ACAD8: variants seen among roughly 807,000 people sequenced by gnomAD.
ACAD8 encodes isobutyryl-CoA dehydrogenase, mitochondrial.
In ACAD8, 47 loss-of-function variants were observed where a neutral mutation model predicts 53.1. That is an observed-to-expected ratio of 0.89 (90% CI 0.70 to 1.13). ACAD8 has a LOEUF of 1.13. Ranked by LOEUF, ACAD8 falls within the 50% of genes most tolerant of loss-of-function variation. The probability of loss-of-function intolerance (pLI) is 0.00; values close to 1 mark genes in which losing one functional copy is unlikely to be tolerated. For synonymous variants in ACAD8, 198 were observed against 201.3 expected, an observed-to-expected ratio of 0.98 and a Z score of 0.14; for missense variants, 494 against 535.0, an observed-to-expected ratio of 0.92 and a Z score of 0.76.
At chr11:134,263,181 T>TCTCCACTCTCTACAGC in intron 10 of ACAD8, 2 of 1,072,690 alleles carry the variant, frequency 1.9e-6, no homozygotes, top group Non-Finnish European at 2.3e-6. Context: ...AGCCTGGCTG[T>TCTCCACTCTCTACAGC]CTCCACTCTC....
At chr11:134,262,063 G>A (rs1939912724) in intron 9 of ACAD8, 173 bp downstream of exon 9, 11 of 790,938 alleles carry the variant, frequency 1.4e-5, no homozygotes, top group East Asian at 8.1e-5. Context: ...AGCTCTCATC[G>A]CTGGCTTTTA....
intron 9 of ACAD8, 172 bp downstream of exon 9, chr11:134,262,062 C>T (rs1939912562): frequency 1.4e-5 from 11 of 794,074 alleles, no homozygotes; most frequent in Non-Finnish European, 1.9e-5. Context: ...GAGCTCTCAT[C>T]GCTGGCTTTT....
chr11:134,261,051 G>A lies in ACAD8; in HGVS notation c.713G>A (p.Trp238Ter), dbSNP rs767201554. The A allele has an allele frequency of 1.1e-5, 17 of 1,612,508 alleles. No individual in the cohort carries two copies. Among genetic ancestry groups the A allele is most frequent in the Non-Finnish European group, 1.4e-5 (17 of 1,179,388 alleles). The change falls in exon 7 of 11, where the codon TGG (tryptophan) becomes TAG (stop). Residue 238 changes from tryptophan (W) to a stop codon, truncating the protein, a stop_gained. Transcript: ENST00000281182. LOFTEE classifies it high-confidence loss of function. The surrounding 1 kb of genome is among the most constrained non-coding windows in gnomAD (Gnocchi z 4.2). The stretch of plus-strand genomic sequence containing the variant: ...GTCCCTGATTTTTGCCAGGTGGGGT[G>A]GAACTCCCAGCCAACACGAGCTGTG... ...SFGKKEKKVG[W>*]NSQPTRAVIF...
chr11:134,257,324 G>A lies in ACAD8; in HGVS notation c.380+67G>A, dbSNP rs555641624. On this transcript the variant is annotated intron_variant, in intron 3 of 10. Coordinates refer to ENST00000281182, the MANE Select transcript of ACAD8 (RefSeq NM_014384.3). ...GGGCTGACTGTGAGAGTTCAGATTCGTAGGAAAAAGATTGATCTTTTGAAG... is the reference window on the plus strand; with the variant it reads ...GGGCTGACTGTGAGAGTTCAGATTCATAGGAAAAAGATTGATCTTTTGAAG... 3,773 of 1,578,176 alleles carry A rather than the reference G, an allele frequency of 2.4e-3. 10 individuals carry two copies. Among genetic ancestry groups the A allele is most frequent in the Non-Finnish European group, 2.9e-3 (3,392 of 1,152,780 alleles).
In ACAD8 at chr11:134,261,219, G is replaced by T; in HGVS notation, c.841+40G>T. 1 of 1,613,990 alleles carries T rather than the reference G, an allele frequency of 6.2e-7. No homozygotes were observed. Among genetic ancestry groups the T allele is most frequent in the Non-Finnish European group, 8.5e-7 (1 of 1,179,978 alleles). On this transcript the variant is annotated intron_variant, in intron 7 of 10. Coordinates refer to ENST00000281182, the MANE Select transcript of ACAD8 (RefSeq NM_014384.3). The surrounding 1 kb of genome is among the most constrained non-coding windows in gnomAD (Gnocchi z 4.2). ...GGTGTGGCAGGGAGGTAGCGGTCCG[G>T]GACAGGCACTGCTGTTTTCCAGCTT...
intron 10 of ACAD8, among the ~76,000 whole-genome samples, chr11:134,264,695 CAGA>C (rs1940087233): frequency 1.3e-5 from 2 of 152,194 alleles, no homozygotes; most frequent in Admixed American, 6.5e-5. Flanking sequence ...TTTTTACCAT[CAGA>C]AGAAGTTTTT....
At position 134,261,734 on chromosome 11, in the gene ACAD8, G is replaced by T; in HGVS notation, c.940-4G>T. The T allele has an allele frequency of 6.2e-7, 1 of 1,613,502 alleles. No homozygotes were observed. ...TGTCTGGTTCTCTGCTCCCTGTGCT[G>T]CAGTACTTGCAATTCACACTGGCTG... On this transcript the variant is annotated splice_region_variant and splice_polypyrimidine_tract_variant and intron_variant, in intron 8 of 10. Coordinates refer to ENST00000281182, the MANE Select transcript of ACAD8 (RefSeq NM_014384.3). This position sits in a 1 kb window ranked among gnomAD's most constrained non-coding sequence, Gnocchi z 4.2.
At chr11:134,257,490 G>A (rs1344381671) in intron 3 of ACAD8, among the ~76,000 whole-genome samples, 1 of 152,036 alleles carries the variant, frequency 6.6e-6, no homozygotes, top group Non-Finnish European at 1.5e-5. Flanking sequence ...TGGCCAACGT[G>A]GTGAAACCCC....
chr11:134,258,436 C>T, intron 3 of ACAD8, 79 bp from the exon 4 acceptor site: 1 of 979,502 alleles, frequency 1.0e-6, no homozygotes, highest in South Asian at 1.4e-5. Flanking sequence ...CCTTTGTTCT[C>T]TTTCCCCTTC....
chr11:134,257,308 G>T (rs1179089224), intron 3 of ACAD8, 51 bp downstream of exon 3: 2 of 1,601,672 alleles, frequency 1.2e-6, no homozygotes, highest in African/African-American at 1.3e-5. Context: ...CGGGCTGACT[G>T]TGAGAGTTCA....
At position 134,259,807 on chromosome 11, in the gene ACAD8, C is replaced by T. The variant is rs750426408; in HGVS notation, c.705+62C>T. Reference sequence around the variant, plus strand: ...GAGACTCTGCCACCTGCCAGCCCAACTCCTGCTCTATTTCAGAAAACAGGT... The same window carrying T: ...GAGACTCTGCCACCTGCCAGCCCAATTCCTGCTCTATTTCAGAAAACAGGT... On this transcript the variant is annotated intron_variant, in intron 6 of 10. Transcript: ENST00000281182. 28 of 1,612,494 alleles carry T rather than the reference C, an allele frequency of 1.7e-5. 1 individual carries two copies. In the Admixed American group the frequency reaches 4.3e-4, roughly 25 times the overall value.
chr11:134,258,973 C>T (rs12800491), intron 4 of ACAD8, 35 bp from the exon 5 acceptor site: 12 of 1,576,294 alleles, frequency 7.6e-6, no homozygotes, highest in East Asian at 2.2e-5. Flanking sequence ...CTGACTTTCT[C>T]ACCTTCTCTC....
At chr11:134,262,166 C>T in intron 9 of ACAD8, 1 of 661,908 alleles carries the variant, frequency 1.5e-6, no homozygotes, top group South Asian at 1.5e-5. Context: ...CACAGCAGCC[C>T]CAATTTAGCA....
chr11:134,258,677 A>C, intron 4 of ACAD8, 53 bp downstream of exon 4: 1 of 1,321,652 alleles, frequency 7.6e-7, no homozygotes, highest in Non-Finnish European at 1.1e-6. Context: ...CTTCCTGCTC[A>C]GATGGCATTA....
chr11:134,253,789 C>T lies in ACAD8; in HGVS notation c.109+80C>T, dbSNP rs1018643242. Reference sequence around the variant, plus strand: ...TGTCCGCGAGGGGCTGCAGTCTCCCCGTTCCATCCAGTCACCCCGGCGTCA... The same window carrying T: ...TGTCCGCGAGGGGCTGCAGTCTCCCTGTTCCATCCAGTCACCCCGGCGTCA... On this transcript the variant is annotated intron_variant, in intron 1 of 10. Coordinates refer to ENST00000281182, the MANE Select transcript of ACAD8 (RefSeq NM_014384.3). The T allele has an allele frequency of 3.6e-6, 5 of 1,383,752 alleles. No homozygotes were observed. In the African/African-American group the frequency reaches 5.7e-5, roughly 16 times the overall value. The allele number at this position is 1,383,752 out of a possible 1,614,324, so 85.7% of individuals were successfully genotyped here.
chr11:134,258,896 T>G, intron 4 of ACAD8, 112 bp from the exon 5 acceptor site: 1 of 1,003,120 alleles, frequency 1.0e-6, no homozygotes, highest in Non-Finnish European at 1.6e-6. Context: ...AGTGACACAC[T>G]CTGAGCAGGG....
At chr11:134,262,479 C>A in intron 9 of ACAD8, 41 bp from the exon 10 acceptor site, 1 of 1,419,542 alleles carries the variant, frequency 7.0e-7, no homozygotes, top group Non-Finnish European at 9.9e-7. Context: ...GCTCCACAGT[C>A]TTCCCAGAGT....
At chr11:134,264,614 A>G (rs1335584772) in intron 10 of ACAD8, among the ~76,000 whole-genome samples, 1 of 152,218 alleles carries the variant, frequency 6.6e-6, no homozygotes, top group Admixed American at 6.5e-5. Context: ...TTGTTGGTAC[A>G]TTTTTAATTT....
Position 134,259,609 on chromosome 11 carries a change from C to A in ACAD8, c.569C>A (p.Ala190Asp). The A allele has an allele frequency of 1.2e-6, 2 of 1,614,160 alleles. No individual in the cohort carries two copies. The highest frequency in any genetic ancestry group is 1.7e-6 in the Non-Finnish European group (2 of 1,180,002). The change falls in exon 6 of 11, where the codon GCC becomes GAC. Residue 190 changes from alanine to aspartate, a missense_variant and splice_region_variant. Physicochemically the swap from Ala to Asp is moderately radical, Grantham distance 126 (BLOSUM62 -2). Coordinates refer to ENST00000281182, the MANE Select transcript of ACAD8 (RefSeq NM_014384.3). ...GDHYILNGSK[A>D]FISGAGESDI... ...TTTGCACCCCTTTTACCCCCACAGG[C>A]CTTCATCAGTGGTGCTGGTGAGTCA...
Sources: gnomAD v4.1 joint callset for allele counts (sites outside exome capture counted in the v4.1 genomes callset) on GRCh38, gnomAD v4.1.1 for gene constraint, Gnocchi (gnomAD v3.1) non-coding constraint, MANE v1.5 for transcripts, NCBI Gene and HGNC (gene_info 2026-07-23, HGNC 2026-07-21) for gene names.